ZNF565: variants seen among roughly 807,000 people sequenced by gnomAD.
The protein encoded by ZNF565 is zinc finger protein 565.
A neutral mutation model predicts 39.4 loss-of-function variants in ZNF565; 27 were observed. The ratio of observed to expected loss-of-function variants is 0.69; its 90% CI spans 0.51 to 0.95. The LOEUF is 0.95. Ranked by LOEUF, ZNF565 falls within the 40% of genes least tolerant of loss-of-function variation. The pLI is 0.00. For missense variants in ZNF565, 524 were observed against 621.1 expected, an observed-to-expected ratio of 0.84 and a Z score of 1.66; for synonymous variants, 185 against 216.6, an observed-to-expected ratio of 0.85 and a Z score of 1.28.
intron 4 of ZNF565, among the ~76,000 whole-genome samples, chr19:36,189,230 A>T (rs1480261613): frequency 6.6e-6 from 1 of 152,062 alleles, no homozygotes; most frequent in Non-Finnish European, 1.5e-5. Context: ...CAGAGGTTGC[A>T]GTGAGCCGAG....
chr19:36,220,668 C>T (rs1398203352), intron 1 of ZNF565, among the ~76,000 whole-genome samples: 1 of 151,718 alleles, frequency 6.6e-6, no homozygotes, highest in Admixed American at 6.6e-5. Flanking sequence ...GCCCGGCCTC[C>T]TAGTTGTATT....
intron 1 of ZNF565, among the ~76,000 whole-genome samples, chr19:36,235,217 A>AAG (rs1977599692): frequency 2.5e-5 from 3 of 118,036 alleles, no homozygotes; most frequent in Admixed American, 8.4e-5. Context: ...CAAAAAAAAA[A>AAG]AAAGAAGAAA....
intron 4 of ZNF565, among the ~76,000 whole-genome samples, chr19:36,187,204 T>TA (rs1975333524): frequency 6.6e-6 from 1 of 150,460 alleles, no homozygotes. Context: ...AAAAAAAAAA[T>TA]AGACTTTAAA....
chr19:36,210,687 T>C (rs1219146145), intron 1 of ZNF565, among the ~76,000 whole-genome samples: 2 of 151,334 alleles, frequency 1.3e-5, no homozygotes, highest in African/African-American at 4.9e-5. Flanking sequence ...TGCAGTGGTG[T>C]AATCTTGGCT....
Position 36,183,040 on chromosome 19 carries a change from CA to C in ZNF565, c.925del (p.Cys309ValfsTer14). The C allele has an allele frequency of 6.2e-7, 1 of 1,614,200 alleles. No homozygotes were observed. The highest frequency in any genetic ancestry group is 8.5e-7 in the Non-Finnish European group (1 of 1,180,040). On this transcript the variant is annotated frameshift_variant, in exon 5 of 5. Coordinates refer to ENST00000304116, the MANE Select transcript of ZNF565 (RefSeq NM_152477.5). LOFTEE classifies it high-confidence loss of function. ...TCTAAAGGCTTTCCCGCATTCTTTA[CA>C]CTCATAGGGTCTGGCCCCTGTGTGG... ...RIHTGARPYE[C>X]KECGKAFRQH...
intron 1 of ZNF565, among the ~76,000 whole-genome samples, chr19:36,244,612 G>A (rs2029879726): frequency 6.6e-6 from 1 of 152,028 alleles, no homozygotes; most frequent in East Asian, 1.9e-4. Flanking sequence ...CAGCACTTTG[G>A]GAGGCCGAGG....
chr19:36,193,720 C>G (rs996204339), intron 4 of ZNF565, among the ~76,000 whole-genome samples: 1 of 152,118 alleles, frequency 6.6e-6, no homozygotes, highest in East Asian at 1.9e-4. Flanking sequence ...GGATTACAGG[C>G]GTAGAGCCAC....
intron 1 of ZNF565, among the ~76,000 whole-genome samples, chr19:36,241,160 CAA>C (rs1977792528): frequency 6.6e-6 from 1 of 152,194 alleles, no homozygotes; most frequent in Non-Finnish European, 1.5e-5. Context: ...ACTAGAATGC[CAA>C]ACTTATTTAA....
At chr19:36,188,555 TGCTAAAATCA>T (rs1340079704) in intron 4 of ZNF565, among the ~76,000 whole-genome samples, 1 of 148,730 alleles carries the variant, frequency 6.7e-6, no homozygotes, top group East Asian at 2.0e-4. Context: ...CTACTAAAAA[TGCTAAAATCA>T]GCCAGGCATG....
intron 2 of ZNF565, among the ~76,000 whole-genome samples, chr19:36,201,561 A>G (rs979511471): frequency 2.6e-5 from 4 of 151,908 alleles, no homozygotes; most frequent in African/African-American, 7.3e-5. Context: ...TACAACCTCC[A>G]TCTCCTGGGT....
chr19:36,222,126 G>A (rs1490856364), intron 1 of ZNF565, among the ~76,000 whole-genome samples: 1 of 151,870 alleles, frequency 6.6e-6, no homozygotes, highest in Non-Finnish European at 1.5e-5. Flanking sequence ...AGGTCTCACT[G>A]TTTCCCAGAT....
chr19:36,240,259 ATCTAGAGATGATTC>A (rs1977775603), intron 1 of ZNF565, among the ~76,000 whole-genome samples: 1 of 152,224 alleles, frequency 6.6e-6, no homozygotes, highest in African/African-American at 2.4e-5. Context: ...ATTATGACTA[ATCTAGAGATGATTC>A]TAGCTAGGCA....
chr19:36,206,467 A>G (rs1976158676), intron 1 of ZNF565, among the ~76,000 whole-genome samples: 1 of 151,746 alleles, frequency 6.6e-6, no homozygotes, highest in East Asian at 1.9e-4. Flanking sequence ...AAGAAAAAAA[A>G]AAGAAAAAAG....
At chr19:36,236,238 T>TAG (rs1349816009) in intron 1 of ZNF565, 1 of 564,148 alleles carries the variant, frequency 1.8e-6, no homozygotes, top group Non-Finnish European at 2.9e-6. Flanking sequence ...AAAATTTTTC[T>TAG]AGAGAGAAAG....
chr19:36,183,387 T>C lies in ZNF565; in HGVS notation c.579A>G (p.Lys193=), dbSNP rs756883994. The C allele has an allele frequency of 2.5e-6, 4 of 1,608,254 alleles. No homozygotes were observed. Among genetic ancestry groups the C allele is most frequent in the Non-Finnish European group, 3.4e-6 (4 of 1,174,986 alleles). The change falls in exon 5 of 5, where the codon AAA becomes AAG. Residue 193 remains lysine, a synonymous_variant. Transcript: ENST00000304116. ...TCCCACATTCCTTACATCCAAAGGGTTTTTCACCAGTGTGAATTTTCTGAT... is the reference window on the plus strand; with the variant it reads ...TCCCACATTCCTTACATCCAAAGGGCTTTTCACCAGTGTGAATTTTCTGAT... ...IQHQKIHTGE[K]PFGCKECGKA...
At chr19:36,201,409 A>G (rs1409501076) in intron 2 of ZNF565, among the ~76,000 whole-genome samples, 1 of 152,278 alleles carries the variant, frequency 6.6e-6, no homozygotes, top group Non-Finnish European at 1.5e-5. Context: ...CAGTTATGAT[A>G]AGGGAGACTC....
chr19:36,233,058 C>T (rs909681788), intron 1 of ZNF565, among the ~76,000 whole-genome samples: 1 of 152,152 alleles, frequency 6.6e-6, no homozygotes, highest in African/African-American at 2.4e-5. Context: ...TGTTTTACTT[C>T]TAAAAAATTA....
At position 36,183,311 on chromosome 19, in the gene ZNF565, C is replaced by T. The variant is rs1315885930; in HGVS notation, c.655G>A (p.Gly219Ser). Reference sequence around the variant, plus strand: ...TCCTTACAGTCATAAGGTTTCTCACCCGTGTGAATTCTCTGATGCTGAACA... The same window carrying T: ...TCCTTACAGTCATAAGGTTTCTCACTCGTGTGAATTCTCTGATGCTGAACA... ...HLVQHQRIHT[G>S]EKPYDCKDCG... The change falls in exon 5 of 5, where the codon GGT becomes AGT. Residue 219 changes from glycine to serine, a missense_variant. Transcript: ENST00000304116. 1 of 1,614,086 alleles carries T rather than the reference C, an allele frequency of 6.2e-7. No individual in the cohort carries two copies. Among genetic ancestry groups the T allele is most frequent in the Non-Finnish European group, 8.5e-7 (1 of 1,180,020 alleles).
At position 36,182,709 on chromosome 19, in the gene ZNF565, G is replaced by A. The variant is rs774051105; in HGVS notation, c.1257C>T (p.Tyr419=). ...AGGCCTTCCCACATTCCTTACATTCGTAGGGTTTGTCACCTGTATGAATTC... is the reference window on the plus strand; with the variant it reads ...AGGCCTTCCCACATTCCTTACATTCATAGGGTTTGTCACCTGTATGAATTC... ...HQRIHTGDKP[Y]ECKECGKAFI... is the part of the protein sequence containing the mutation. The change falls in exon 5 of 5, where the codon TAC becomes TAT. Residue 419 remains tyrosine (Y), a synonymous_variant. Coordinates refer to ENST00000304116, the MANE Select transcript of ZNF565 (RefSeq NM_152477.5). The A allele has an allele frequency of 4.9e-5, 79 of 1,611,606 alleles. No homozygotes were observed. The highest frequency in any genetic ancestry group is 1.6e-4 in the Middle Eastern group (1 of 6,084).
Sources: gnomAD v4.1 joint callset for allele counts (sites outside exome capture counted in the v4.1 genomes callset) on GRCh38, gnomAD v4.1.1 for gene constraint, MANE v1.5 for transcripts, NCBI Gene and HGNC (gene_info 2026-07-23, HGNC 2026-07-21) for gene names.